The following BACH2 variants were observed in gnomAD, a reference collection of about 807,000 sequenced individuals.
BACH2 encodes transcription regulator protein BACH2.
In BACH2, 5 loss-of-function variants were observed where a neutral mutation model predicts 61.8. The observed-to-expected ratio is 0.08, with a 90% CI of 0.04 to 0.17. The LOEUF (loss-of-function observed/expected upper bound fraction) is 0.17, where lower values mean the gene tolerates loss of function less well. BACH2 is among the 10% of genes least tolerant of loss of function. BACH2 has a pLI of 1.00. For missense variants in BACH2, 824 were observed against 1,091.1 expected (o/e 0.76, Z 3.45); for synonymous variants, 446 against 440.1 (o/e 1.01, Z -0.17).
intron 5 of BACH2, among the ~76,000 whole-genome samples, chr6:90,087,977 ATTTT>A (rs1303952105): frequency 7.0e-6 from 1 of 142,140 alleles, no homozygotes. Flanking sequence ...CATTCTTTCT[ATTTT>A]TTTTTTTTTG....
At chr6:90,089,291 G>T (rs1255827769) in intron 4 of BACH2, among the ~76,000 whole-genome samples, 182 bp from the exon 5 acceptor site, 2 of 151,922 alleles carry the variant, frequency 1.3e-5, no homozygotes, top group East Asian at 3.9e-4. Flanking sequence ...CATAGCCCGT[G>T]GTAGAAACGC....
intron 5 of BACH2, among the ~76,000 whole-genome samples, chr6:90,084,005 G>T (rs1205582526): frequency 6.8e-6 from 1 of 146,072 alleles, no homozygotes; most frequent in Non-Finnish European, 1.5e-5. Flanking sequence ...ATCCTCCAGG[G>T]TTTACACCCC....
chr6:90,295,884 C>T lies in BACH2; in HGVS notation c.-446+596G>A, dbSNP rs560955053. On this transcript the variant is annotated intron_variant, in intron 1 of 8. Transcript: ENST00000257749. Reference sequence around the variant, plus strand: ...ACCCTAAACTTGGGCTTTGATTCCCCGCCGGTCGCGGTGGTCCGGGCCACC... The same window carrying T: ...ACCCTAAACTTGGGCTTTGATTCCCTGCCGGTCGCGGTGGTCCGGGCCACC... Among the ~76,000 whole-genome samples the T allele has an allele frequency of 2.4e-3, 371 of 152,296 alleles. 2 individuals carry two copies. The highest frequency in any genetic ancestry group is 8.6e-3 in the Admixed American group (131 of 15,312).
chr6:90,038,038 A>G (rs1219215850), intron 5 of BACH2, among the ~76,000 whole-genome samples: 1 of 152,170 alleles, frequency 6.6e-6, no homozygotes, highest in African/African-American at 2.4e-5. Context: ...CAACATCCTG[A>G]TTTTGGACTT....
intron 5 of BACH2, among the ~76,000 whole-genome samples, chr6:90,033,940 G>A (rs1044731223): frequency 6.6e-6 from 1 of 152,172 alleles, no homozygotes; most frequent in African/African-American, 2.4e-5. Context: ...GCCAGTCAAG[G>A]AAAAGTTCAT....
intron 5 of BACH2, among the ~76,000 whole-genome samples, chr6:90,027,138 A>G (rs1778676667): frequency 6.6e-6 from 1 of 152,172 alleles, no homozygotes; most frequent in Non-Finnish European, 1.5e-5. Flanking sequence ...ATATCAAGTA[A>G]CAAAAGCATC....
chr6:90,161,162 T>A (rs1406857721), intron 4 of BACH2, among the ~76,000 whole-genome samples: 2 of 149,826 alleles, frequency 1.3e-5, no homozygotes, highest in Non-Finnish European at 1.5e-5. Context: ...ATGGGACAGA[T>A]CTAACTGGAA....
intron 6 of BACH2, among the ~76,000 whole-genome samples, chr6:89,991,790 G>C (rs1270774197): frequency 6.6e-6 from 1 of 151,380 alleles, no homozygotes; most frequent in Non-Finnish European, 1.5e-5. Flanking sequence ...TTTAATCTAG[G>C]GCAATCCCCC....
At chr6:89,952,029 A>T (rs374592366) in intron 6 of BACH2, 167 bp from the exon 7 acceptor site, 3 of 766,054 alleles carry the variant, frequency 3.9e-6, no homozygotes, top group African/African-American at 3.5e-5. Context: ...GCTTCCAATA[A>T]TTAGTGCCTG....
chr6:90,241,099 C>A (rs558986389), intron 3 of BACH2, among the ~76,000 whole-genome samples: 1 of 144,848 alleles, frequency 6.9e-6, no homozygotes, highest in South Asian at 2.2e-4. Flanking sequence ...CGCCCCACTG[C>A]ACTCCAGCCT....
chr6:90,284,697 C>T (rs1281247105), intron 1 of BACH2, among the ~76,000 whole-genome samples: 1 of 151,102 alleles, frequency 6.6e-6, no homozygotes, highest in Non-Finnish European at 1.5e-5. Context: ...ATCATTCCTA[C>T]AAAAAACAAC....
Position 89,950,997 on chromosome 6 carries a change from C to T in BACH2, c.1109G>A (p.Cys370Tyr). ...CTGAGTGATCCCCTTGTCAAAAGGG[C>T]AGGCTGGACTCCTGGCAAAGTGCTG... ...SQQHFARSPA[C>Y]PFDKGITQGD... is the part of the protein sequence containing the mutation. The change falls in exon 7 of 9, where the codon TGC becomes TAC. Residue 370 changes from cysteine (C) to tyrosine (Y), a missense_variant. Physicochemically the swap from Cys to Tyr is radical, Grantham distance 194 (BLOSUM62 -2). Around this residue, in one of 8 missense-constraint regions of BACH2, gnomAD observed 226 missense variants for 228.5 expected, o/e 0.99. Transcript: ENST00000257749. The surrounding 1 kb of genome is among the most constrained non-coding windows in gnomAD (Gnocchi z 5.3). 2 of 1,583,296 alleles carry T rather than the reference C, an allele frequency of 1.3e-6. No individual in the cohort carries two copies. Among genetic ancestry groups the T allele is most frequent in the Non-Finnish European group, 1.7e-6 (2 of 1,166,004 alleles).
intron 5 of BACH2, among the ~76,000 whole-genome samples, chr6:90,057,777 T>C (rs1340296298): frequency 2.0e-5 from 3 of 152,156 alleles, no homozygotes; most frequent in African/African-American, 7.2e-5. Context: ...TTATCCACCA[T>C]GATCAAGTGG....
At chr6:90,035,565 C>G (rs1364035768) in intron 5 of BACH2, among the ~76,000 whole-genome samples, 1 of 152,042 alleles carries the variant, frequency 6.6e-6, no homozygotes, top group Non-Finnish European at 1.5e-5. Context: ...TTCACCGGGA[C>G]TAAAATCTTA....
intron 2 of BACH2, among the ~76,000 whole-genome samples, chr6:90,257,320 G>A (rs1055097442): frequency 2.0e-5 from 3 of 152,136 alleles, no homozygotes; most frequent in Non-Finnish European, 4.4e-5. Context: ...TTCCATAACG[G>A]CTATACCCAA....
chr6:90,037,469 T>G (rs997774164), intron 5 of BACH2, among the ~76,000 whole-genome samples: 4 of 152,160 alleles, frequency 2.6e-5, no homozygotes, highest in African/African-American at 9.7e-5. Flanking sequence ...TTAACTACAG[T>G]AGTCAGTGTG....
chr6:89,993,201 T>C (rs141317386), intron 6 of BACH2, among the ~76,000 whole-genome samples: 2 of 152,190 alleles, frequency 1.3e-5, no homozygotes, highest in Non-Finnish European at 2.9e-5. Context: ...TATTTTGCTA[T>C]GGCAGCCTGA....
At chr6:89,957,272 A>G (rs1233077031) in intron 6 of BACH2, among the ~76,000 whole-genome samples, 1 of 152,270 alleles carries the variant, frequency 6.6e-6, no homozygotes, top group Non-Finnish European at 1.5e-5. Context: ...TTAATTTTCT[A>G]TAATTCATAT....
At chr6:90,026,599 G>A (rs996574559) in intron 5 of BACH2, among the ~76,000 whole-genome samples, 2 of 152,056 alleles carry the variant, frequency 1.3e-5, no homozygotes, top group African/African-American at 2.4e-5. Flanking sequence ...ATGGGGGTGG[G>A]GGTTACCTCC....
Sources: allele counts gnomAD v4.1 joint callset (sites outside exome capture counted in the v4.1 genomes callset), GRCh38; gene constraint gnomAD v4.1.1; regional missense constraint gnomAD v4.1.1; non-coding constraint Gnocchi (gnomAD v3.1); transcripts MANE v1.5; gene names NCBI Gene and HGNC (gene_info 2026-07-23, HGNC 2026-07-21).